Variants in MAGI2 observed in about 807,000 individuals in gnomAD.
MAGI2 encodes the protein membrane-associated guanylate kinase, WW and PDZ domain-containing protein 2.
In MAGI2, 35 loss-of-function variants were observed where a neutral mutation model predicts 133.3. The ratio of observed to expected loss-of-function variants is 0.26; its 90% CI spans 0.20 to 0.35. The LOEUF (loss-of-function observed/expected upper bound fraction) is 0.35. MAGI2 is among the 10% of genes least tolerant of loss of function. The pLI, the probability that MAGI2 is intolerant of heterozygous loss-of-function variation, is 1.00. For synonymous variants in MAGI2, 729 were observed against 710.6 expected, an observed-to-expected ratio of 1.03 and a Z score of -0.41; for missense variants, 1,636 against 1,863.4, an observed-to-expected ratio of 0.88 and a Z score of 2.25.
At chr7:78,341,136 C>T (rs937039961) in intron 9 of MAGI2, among the ~76,000 whole-genome samples, 2 of 152,108 alleles carry the variant, frequency 1.3e-5, no homozygotes, top group Non-Finnish European at 2.9e-5. Context: ...AATCAATGTG[C>T]AAAAATCACT....
chr7:78,988,583 C>G (rs555354117), intron 2 of MAGI2, among the ~76,000 whole-genome samples: 1 of 152,190 alleles, frequency 6.6e-6, no homozygotes, highest in African/African-American at 2.4e-5. Context: ...TTGCAGTACT[C>G]TAGCATATAA....
chr7:78,891,306 G>A (rs2151569510), intron 2 of MAGI2, among the ~76,000 whole-genome samples: 1 of 152,276 alleles, frequency 6.6e-6, no homozygotes, highest in East Asian at 1.9e-4. Context: ...GGTACAAGGA[G>A]GAGCTGGTAC....
intron 1 of MAGI2, among the ~76,000 whole-genome samples, chr7:79,048,235 A>G (rs1812355151): frequency 2.0e-5 from 3 of 152,232 alleles, no homozygotes; most frequent in African/African-American, 7.2e-5. Context: ...GTAAAAGATC[A>G]GAGGAAAGAA....
intron 2 of MAGI2, among the ~76,000 whole-genome samples, chr7:78,800,293 A>G (rs1043380189): frequency 1.4e-4 from 22 of 152,238 alleles, no homozygotes; most frequent in Non-Finnish European, 2.6e-4. Context: ...CAATGTGGGT[A>G]GGCATGAGGG....
intron 1 of MAGI2, among the ~76,000 whole-genome samples, chr7:79,061,119 T>G (rs1813686973): frequency 6.6e-6 from 1 of 152,098 alleles, no homozygotes; most frequent in Admixed American, 6.6e-5. Context: ...TGGAAGATTA[T>G]GCAAGTACTA....
chr7:78,763,242 T>C (rs139385746), intron 2 of MAGI2, among the ~76,000 whole-genome samples: 16 of 152,196 alleles, frequency 1.1e-4, no homozygotes, highest in Non-Finnish European at 1.3e-4. Context: ...GAAAGACTTA[T>C]GATTCCCAGA....
At chr7:79,156,535 C>G (rs997771204) in intron 1 of MAGI2, among the ~76,000 whole-genome samples, 2 of 152,098 alleles carry the variant, frequency 1.3e-5, no homozygotes, top group African/African-American at 2.4e-5. Flanking sequence ...TCTTTTGATC[C>G]CAGGTCTTTA....
chr7:78,903,328 G>T (rs547506566), intron 2 of MAGI2, among the ~76,000 whole-genome samples: 49 of 151,554 alleles, frequency 3.2e-4, no homozygotes, highest in African/African-American at 1.1e-3. Context: ...CAGGTAGCTG[G>T]GACTACAGGC....
At chr7:78,531,530 T>A (rs564416367) in intron 3 of MAGI2, among the ~76,000 whole-genome samples, 1 of 152,138 alleles carries the variant, frequency 6.6e-6, no homozygotes, top group African/African-American at 2.4e-5. Context: ...GATTTTTAAG[T>A]GTCTAGTGAG....
In MAGI2 at chr7:78,351,983, A is replaced by G. The variant is rs1253596962; in HGVS notation, c.1104-5940T>C. 3.3e-5 allele frequency: 5 copies of G among 152,144 alleles called. No individual in the cohort carries two copies. In the East Asian group the frequency reaches 5.8e-4, roughly 18 times the overall value. The allele number at this position is 152,144 out of a possible 1,614,324, so 9.4% of individuals were successfully genotyped here. Reference sequence around the variant, plus strand: ...GTATGTAACCGTGAGCACATCATTTACCCTTTTTTTGTGCTTCAGAATTTT... The same window carrying G: ...GTATGTAACCGTGAGCACATCATTTGCCCTTTTTTTGTGCTTCAGAATTTT... On this transcript the variant is annotated intron_variant, in intron 7 of 21. Coordinates refer to ENST00000354212, the MANE Select transcript of MAGI2 (RefSeq NM_012301.4).
At chr7:78,712,501 C>CAA (rs1417249512) in intron 2 of MAGI2, among the ~76,000 whole-genome samples, 1 of 152,172 alleles carries the variant, frequency 6.6e-6, no homozygotes, top group Non-Finnish European at 1.5e-5. Context: ...GCTAACGCTG[C>CAA]AGTATCTTTG....
At chr7:78,830,230 A>G (rs1398748612) in intron 2 of MAGI2, among the ~76,000 whole-genome samples, 1 of 152,114 alleles carries the variant, frequency 6.6e-6, no homozygotes, top group Non-Finnish European at 1.5e-5. Context: ...TGGGCAACTA[A>G]CTTCATTGAT....
chr7:78,025,267 T>A (rs369169132), intron 21 of MAGI2, among the ~76,000 whole-genome samples: 93 of 152,326 alleles, frequency 6.1e-4, no homozygotes, highest in African/African-American at 2.0e-3. Flanking sequence ...TTTTTCATCC[T>A]TCAGGACTCT....
intron 6 of MAGI2, among the ~76,000 whole-genome samples, chr7:78,403,260 C>T (rs982567658): frequency 6.6e-6 from 1 of 151,434 alleles, no homozygotes; most frequent in Admixed American, 6.6e-5. Flanking sequence ...GTTTGGTTTT[C>T]TGTCCTTGCG....
chr7:78,077,905 T>A (rs969439434), intron 21 of MAGI2, among the ~76,000 whole-genome samples: 24 of 151,970 alleles, frequency 1.6e-4, no homozygotes, highest in Non-Finnish European at 3.2e-4. Flanking sequence ...AATTTTGTAT[T>A]TTTAGTAGAG....
chr7:79,320,257 A>T (rs1839076014), intron 1 of MAGI2, among the ~76,000 whole-genome samples: 1 of 152,152 alleles, frequency 6.6e-6, no homozygotes, highest in East Asian at 1.9e-4. Context: ...AATACACATA[A>T]TTGCTATATT....
At chr7:78,407,396 T>C (rs984639429) in intron 6 of MAGI2, among the ~76,000 whole-genome samples, 1 of 151,964 alleles carries the variant, frequency 6.6e-6, no homozygotes. Flanking sequence ...AAAAAAAAAG[T>C]CACCTTTTGT....
chr7:79,180,213 A>G (rs2129550274), intron 1 of MAGI2, among the ~76,000 whole-genome samples: 1 of 152,190 alleles, frequency 6.6e-6, no homozygotes, highest in African/African-American at 2.4e-5. Flanking sequence ...CTGAGATATC[A>G]TCTTGCCCCA....
intron 3 of MAGI2, among the ~76,000 whole-genome samples, chr7:78,556,592 C>A (rs2150722665): frequency 6.6e-6 from 1 of 152,248 alleles, no homozygotes; most frequent in Admixed American, 6.5e-5. Context: ...CCCTCTCTAT[C>A]TATAGGTGAG....
Sources: allele counts gnomAD v4.1 joint callset (sites outside exome capture counted in the v4.1 genomes callset), GRCh38; gene constraint gnomAD v4.1.1; transcripts MANE v1.5; gene names NCBI Gene and HGNC (gene_info 2026-07-23, HGNC 2026-07-21).